MYL2: variants seen among roughly 807,000 people sequenced by gnomAD.
MYL2 encodes the protein myosin regulatory light chain 2, ventricular/cardiac muscle isoform.
Under a neutral mutation model 23.0 loss-of-function variants are expected in MYL2, and 19 were observed. That is an observed-to-expected ratio of 0.83 (90% CI 0.58 to 1.21). The LOEUF (loss-of-function observed/expected upper bound fraction) is 1.21. Among genes scored for constraint, MYL2 ranks in the 50% most tolerant of loss-of-function variants. MYL2 has a pLI of 0.00. For synonymous variants in MYL2, 78 were observed against 76.2 expected (o/e 1.02, Z -0.13); for missense variants, 180 against 215.1 (o/e 0.84, Z 1.02).
chr12:110,920,698 C>T (rs1032660133), upstream of MYL2: 3 of 947,472 alleles, frequency 3.2e-6, no homozygotes, highest in East Asian at 5.1e-5. Context: ...CACCCCATGC[C>T]GTTCTTCTGA....
At chr12:110,921,099 C>CT (rs1238847092), upstream of MYL2, among the ~76,000 whole-genome samples, 2 of 152,236 alleles carry the variant, frequency 1.3e-5, no homozygotes, top group Non-Finnish European at 2.9e-5. Flanking sequence ...TGGCTCATGC[C>CT]TGAAATCCCA....
intron 2 of MYL2, among the ~76,000 whole-genome samples, chr12:110,917,950 G>A (rs570566005): frequency 1.6e-4 from 25 of 152,262 alleles, no homozygotes; most frequent in African/African-American, 5.5e-4. Context: ...TGGGCACAGT[G>A]GTGTGTACCT....
In MYL2 at chr12:110,911,148, G is replaced by T. The variant is rs777689913; in HGVS notation, c.430C>A (p.Pro144Thr). Residue 144 changes from proline (P) to threonine (T), a missense_variant, in exon 7 of 7, where the codon CCT becomes ACT. Coordinates refer to ENST00000228841, the MANE Select transcript of MYL2 (RefSeq NM_000432.4). ...EVDQMFAAFP[P>T]DVTGNLDYKN... ...TAGTCCAAGTTGCCAGTCACGTCAG[G>T]GGGGAAGGCGGCGAACATCTGGTCA... 1.2e-6 allele frequency: 2 copies of T among 1,613,842 alleles called. No homozygotes were observed. Among genetic ancestry groups the T allele is most frequent in the Non-Finnish European group, 1.7e-6 (2 of 1,179,990 alleles).
intron 1 of MYL2, 140 bp downstream of exon 1, chr12:110,920,387 G>A (rs1158725504): frequency 5.1e-6 from 6 of 1,183,494 alleles, no homozygotes; most frequent in East Asian, 2.3e-5. Context: ...CTGTGCCCGC[G>A]CAGTCAATGG....
intron 6 of MYL2, 60 bp downstream of exon 6, chr12:110,913,035 AG>A: frequency 6.4e-7 from 1 of 1,571,758 alleles, no homozygotes; most frequent in Admixed American, 1.7e-5. Context: ...GGGGAGACGG[AG>A]CCCCCCAGAA....
chr12:110,920,331 G>A (rs1384355072), intron 1 of MYL2, among the ~76,000 whole-genome samples, 196 bp downstream of exon 1: 1 of 152,048 alleles, frequency 6.6e-6, no homozygotes, highest in African/African-American at 2.4e-5. Flanking sequence ...GAGTCCCCGA[G>A]AGCTGCTGTT....
chr12:110,911,246 G>A, intron 6 of MYL2, 71 bp from the exon 7 acceptor site: 1 of 458,846 alleles, frequency 2.2e-6, no homozygotes, highest in Non-Finnish European at 4.2e-6. Context: ...GGGGCTGTGG[G>A]CGGGGCCTGA....
chr12:110,911,094 C>T lies in MYL2; in HGVS notation c.484G>A (p.Gly162Arg), dbSNP rs199474814. ...GCCCCCTCCTAGTCCTTCTCTTCTC[C>T]GTGGGTGATGATGTGCACCAGGTTC... is the stretch of plus-strand genomic sequence containing the variant. ...YKNLVHIITH[G>R]EEKD The change falls in exon 7 of 7, where the codon GGA (glycine) becomes AGA (arginine). Residue 162 changes from glycine (G) to arginine (R), a missense_variant. Physicochemically the swap from Gly to Arg is moderately radical, Grantham distance 125. Transcript: ENST00000228841. The T allele has an allele frequency of 6.2e-7, 1 of 1,614,042 alleles. No individual in the cohort carries two copies. Among genetic ancestry groups the T allele is most frequent in the Non-Finnish European group, 8.5e-7 (1 of 1,180,010 alleles).
rs749765328 is a variant in MYL2 at position 110,913,090 on chromosome 12, C to G, written c.402+6G>C. 97 of 1,614,050 alleles carry G rather than the reference C, an allele frequency of 6.0e-5. No individual in the cohort carries two copies. Among genetic ancestry groups the G allele is most frequent in the Non-Finnish European group, 8.2e-5 (97 of 1,180,034 alleles). ...GTTAGAGGGAGTGCTTGAAGGACCC[C>G]ATTACCTCCTCCTTGGAAAACCTCT... On this transcript the variant is annotated splice_donor_region_variant and intron_variant, in intron 6 of 6. Transcript: ENST00000228841.
chr12:110,914,127 C>T lies in MYL2; in HGVS notation c.274+59G>A, dbSNP rs984138244. On this transcript the variant is annotated intron_variant, in intron 4 of 6. Coordinates refer to ENST00000228841, the MANE Select transcript of MYL2 (RefSeq NM_000432.4). The stretch of plus-strand genomic sequence containing the variant: ...TTTAAAGTTAACCATCTTCTGCCAG[C>T]CCCCCCGAAGAAACATAGACACATA... 9.3e-5 allele frequency: 118 copies of T among 1,269,440 alleles called. 1 individual carries two copies. The highest frequency in any genetic ancestry group is 6.3e-5 in the Non-Finnish European group (55 of 867,368). 78.6% of individuals were successfully genotyped at this position (1,269,440 alleles called of 1,614,324 possible). A position where few individuals can be genotyped will look rare whatever the true frequency, so the allele number is the denominator to read the frequency against.
intron 1 of MYL2, among the ~76,000 whole-genome samples, chr12:110,919,514 TC>T (rs1417588026): frequency 6.6e-6 from 1 of 152,170 alleles, no homozygotes; most frequent in Non-Finnish European, 1.5e-5. Context: ...CCCTGCAGGA[TC>T]CAGCCACTTT....
At chr12:110,920,966 T>G (rs1356775451), upstream of MYL2, among the ~76,000 whole-genome samples, 1 of 152,246 alleles carries the variant, frequency 6.6e-6, no homozygotes, top group Non-Finnish European at 1.5e-5. Context: ...CTGGAATGTC[T>G]TTCTGTCAGT....
At chr12:110,916,710 G>C (rs567860486) in intron 2 of MYL2, among the ~76,000 whole-genome samples, 1 of 152,132 alleles carries the variant, frequency 6.6e-6, no homozygotes, top group African/African-American at 2.4e-5. Context: ...GGTTTCTTTC[G>C]GGGGTGATGG....
At chr12:110,913,050 G>A in intron 6 of MYL2, 46 bp downstream of exon 6, 1 of 1,598,616 alleles carries the variant, frequency 6.3e-7, no homozygotes, top group Non-Finnish European at 8.6e-7. Context: ...CCCAGAAGGA[G>A]AACCCAGGAG....
rs201580029 is a variant in MYL2, at chr12:110,919,095, T to C, written c.93+9A>G. 3.7e-6 allele frequency: 6 copies of C among 1,613,164 alleles called. No individual in the cohort carries two copies. The highest frequency in any genetic ancestry group is 2.2e-5 in the East Asian group (1 of 44,872). On this transcript the variant is annotated intron_variant, in intron 2 of 6. Transcript: ENST00000228841. Reference sequence around the variant, plus strand: ...CCATCCAGGCGGATGATTCAATAGCTGCACCCACCTCCTTAAATTCCTGGA... The same window carrying C: ...CCATCCAGGCGGATGATTCAATAGCCGCACCCACCTCCTTAAATTCCTGGA...
In MYL2 at chr12:110,913,213, G is replaced by A. The variant is rs193922453; in HGVS notation, c.353+33C>T. On this transcript the variant is annotated intron_variant, in intron 5 of 6. Transcript: ENST00000228841. ...GTAGGGGGGACAGGGGGCAAGCAGG[G>A]AACCCCCTTCCTCCCCCACAGACCC... 5 of 1,601,650 alleles carry A rather than the reference G, an allele frequency of 3.1e-6. No homozygotes were observed. In the South Asian group the frequency reaches 4.4e-5, roughly 14 times the overall value.
At chr12:110,914,104 T>G (rs1404153121) in intron 4 of MYL2, 82 bp downstream of exon 4, 1 of 1,114,472 alleles carries the variant, frequency 9.0e-7, no homozygotes, top group Non-Finnish European at 1.4e-6. Context: ...TTATCTCTTT[T>G]AAAGTTAACC....
In MYL2 at chr12:110,911,193, C is replaced by T. The variant is rs1487844070; in HGVS notation, c.403-18G>A. 6.3e-7 allele frequency: 1 copy of T among 1,592,468 alleles called. No homozygotes were observed. The highest frequency in any genetic ancestry group is 1.7e-5 in the Admixed American group (1 of 58,822). ...TGGTCAACCTGCAATGAGCCAGCAA[C>T]ACGTGCTAAGGACGAGGGGAGGGGA... On this transcript the variant is annotated intron_variant, in intron 6 of 6. Coordinates refer to ENST00000228841, the MANE Select transcript of MYL2 (RefSeq NM_000432.4).
chr12:110,912,287 C>A (rs1376834822), intron 6 of MYL2, among the ~76,000 whole-genome samples: 1 of 151,894 alleles, frequency 6.6e-6, no homozygotes, highest in Non-Finnish European at 1.5e-5. Flanking sequence ...CACTACCGCA[C>A]CACCTGAGTT....
Sources: gnomAD v4.1 joint callset for allele counts (sites outside exome capture counted in the v4.1 genomes callset) on GRCh38, gnomAD v4.1.1 for gene constraint, MANE v1.5 for transcripts, NCBI Gene and HGNC (gene_info 2026-07-23, HGNC 2026-07-21) for gene names.